TEX9: variants seen among roughly 807,000 people sequenced by gnomAD.
TEX9 encodes testis expressed 9, also known as testis-expressed protein 9.
TEX9 carries 74 observed loss-of-function variants against 59.6 expected under a neutral mutation model. The observed-to-expected ratio is 1.24, with a 90% CI of 1.03 to 1.51. The LOEUF (loss-of-function observed/expected upper bound fraction) is 1.51. Among genes scored for constraint, TEX9 ranks in the 40% most tolerant of loss-of-function variants. The probability of loss-of-function intolerance (pLI) is 0.00; values close to 1 mark genes in which losing one functional copy is unlikely to be tolerated. For missense variants in TEX9, 522 were observed against 447.8 expected (o/e 1.17, Z -1.49); for synonymous variants, 186 against 152.2 (o/e 1.22, Z -1.64).
intron 1 of TEX9, among the ~76,000 whole-genome samples, chr15:56,291,188 T>C (rs1397629619): frequency 6.6e-6 from 1 of 152,232 alleles, no homozygotes; most frequent in Non-Finnish European, 1.5e-5. Flanking sequence ...TGAGACCCTT[T>C]TCTAAATACA....
At chr15:56,253,599 C>G (rs2044079074) in intron 1 of TEX9, among the ~76,000 whole-genome samples, 1 of 152,062 alleles carries the variant, frequency 6.6e-6, no homozygotes, top group Admixed American at 6.6e-5. Context: ...CAGAAGGGTT[C>G]TCTTAGTGAG....
intron 1 of TEX9, among the ~76,000 whole-genome samples, chr15:56,339,457 C>A (rs1158484155): frequency 7.0e-6 from 1 of 141,954 alleles, no homozygotes; most frequent in Non-Finnish European, 1.5e-5. Context: ...TTCATTTGTA[C>A]TGTTTTCCAT....
intron 1 of TEX9, among the ~76,000 whole-genome samples, chr15:56,307,048 A>T (rs1447539910): frequency 6.6e-6 from 1 of 152,188 alleles, no homozygotes; most frequent in African/African-American, 2.4e-5. Context: ...GGCTGTGCTC[A>T]GTAACATAAT....
chr15:56,270,016 T>G (rs1271417966), intron 1 of TEX9, among the ~76,000 whole-genome samples: 1 of 152,190 alleles, frequency 6.6e-6, no homozygotes, highest in Admixed American at 6.5e-5. Context: ...AGAGACAGTT[T>G]GTTGTGATTT....
intron 1 of TEX9, among the ~76,000 whole-genome samples, chr15:56,280,307 G>A (rs1408054928): frequency 1.3e-5 from 2 of 152,146 alleles, no homozygotes; most frequent in African/African-American, 4.8e-5. Flanking sequence ...TTAAACTGCT[G>A]TGTGACAAGA....
At chr15:56,425,814 G>C (rs1320718366) in intron 10 of TEX9, among the ~76,000 whole-genome samples, 1 of 151,982 alleles carries the variant, frequency 6.6e-6, no homozygotes, top group Non-Finnish European at 1.5e-5. Flanking sequence ...ACGGGTGTTT[G>C]AAAAAACAGC....
intron 9 of TEX9, among the ~76,000 whole-genome samples, chr15:56,401,622 C>G (rs1457627759): frequency 6.6e-6 from 1 of 152,178 alleles, no homozygotes; most frequent in Non-Finnish European, 1.5e-5. Flanking sequence ...TAGAACTCAG[C>G]TCTGCACAAA....
chr15:56,314,932 G>T (rs1190047915), intron 1 of TEX9, among the ~76,000 whole-genome samples: 2 of 151,406 alleles, frequency 1.3e-5, no homozygotes, highest in Admixed American at 6.6e-5. Context: ...TTTGATCTTT[G>T]TTGGTTTAAA....
chr15:56,429,165 T>C (rs1260724340), intron 12 of TEX9: 2 of 1,599,520 alleles, frequency 1.3e-6, no homozygotes, highest in African/African-American at 1.4e-5. Flanking sequence ...ACCAAGCAGA[T>C]CAATATCATC....
chr15:56,448,990 G>A (rs1262144177), downstream of TEX9, among the ~76,000 whole-genome samples: 2 of 152,028 alleles, frequency 1.3e-5, no homozygotes, highest in Admixed American at 1.3e-4. Flanking sequence ...CCTGACCTCA[G>A]GTGATCCACC....
chr15:56,381,051 T>G (rs1255933926), intron 3 of TEX9, among the ~76,000 whole-genome samples: 2 of 152,148 alleles, frequency 1.3e-5, no homozygotes, highest in East Asian at 3.9e-4. Flanking sequence ...CCAATAAGTC[T>G]TATATTTGCC....
chr15:56,428,349 T>G lies in TEX9; in HGVS notation c.1099-18T>G. On this transcript the variant is annotated intron_variant, in intron 11 of 12. Coordinates refer to ENST00000352903, the Ensembl canonical transcript of TEX9. ...CTCTTAATACTAAATCAGACAATAT[T>G]GATTTTTTTTTTAACAGATGCATAT... is the stretch of plus-strand genomic sequence containing the variant. 6.3e-7 allele frequency: 1 copy of G among 1,594,612 alleles called. No individual in the cohort carries two copies. Among genetic ancestry groups the G allele is most frequent in the Non-Finnish European group, 8.6e-7 (1 of 1,164,138 alleles).
At chr15:56,349,787 A>G (rs2046541695) in intron 1 of TEX9, among the ~76,000 whole-genome samples, 1 of 150,430 alleles carries the variant, frequency 6.6e-6, no homozygotes, top group Admixed American at 6.6e-5. Flanking sequence ...TTGTGAGTGC[A>G]TATATATATG....
rs977296126 is a variant in TEX9, at chr15:56,324,543, A to T, written c.-106-48898A>T. Reference sequence around the variant, plus strand: ...CATACTGCATTAGAAATTATTTTTCATTGGTAAAATATATAGTATTCTACA... The same window carrying T: ...CATACTGCATTAGAAATTATTTTTCTTTGGTAAAATATATAGTATTCTACA... On this transcript the variant is annotated intron_variant, in intron 1 of 5. Transcript: ENST00000560827. 3.3e-4 allele frequency among the ~76,000 whole-genome samples: 50 copies of T among 152,348 alleles called. 1 individual carries two copies. Among genetic ancestry groups the T allele is most frequent in the Admixed American group, 2.1e-3 (32 of 15,304 alleles).
chr15:56,377,209 T>C (rs1170192874), intron 3 of TEX9, among the ~76,000 whole-genome samples: 2 of 152,172 alleles, frequency 1.3e-5, no homozygotes, highest in Non-Finnish European at 2.9e-5. Context: ...GTTTTGTTCT[T>C]TTTGCTTAGG....
intron 9 of TEX9, among the ~76,000 whole-genome samples, chr15:56,401,308 C>CAAAAAAATAAAAAA (rs2048759453): frequency 2.1e-5 from 1 of 46,772 alleles, no homozygotes. Flanking sequence ...AAATTGAAAG[C>CAAAAAAATAAAAAA]AAAAAAAAAA....
chr15:56,316,691 C>A (rs540473376), intron 1 of TEX9, among the ~76,000 whole-genome samples: 6,416 of 151,814 alleles, frequency 0.042, 202 homozygotes, highest in Admixed American at 0.084. Context: ...GTTGGAGCTT[C>A]CGGGCTGCTT....
intron 1 of TEX9, among the ~76,000 whole-genome samples, chr15:56,278,491 C>T (rs2044734419): frequency 6.6e-6 from 1 of 152,218 alleles, no homozygotes; most frequent in Non-Finnish European, 1.5e-5. Flanking sequence ...CATATTTTGT[C>T]TCCCCAGCCT....
At chr15:56,405,196 TG>T (rs1433363018) in intron 9 of TEX9, among the ~76,000 whole-genome samples, 2 of 151,608 alleles carry the variant, frequency 1.3e-5, no homozygotes, top group African/African-American at 4.9e-5. Flanking sequence ...CTCAGCTACT[TG>T]GGAGGCTGAG....
Sources: gnomAD v4.1 joint callset for allele counts (sites outside exome capture counted in the v4.1 genomes callset) on GRCh38, gnomAD v4.1.1 for gene constraint, MANE v1.5 for transcripts, NCBI Gene and HGNC (gene_info 2026-07-23, HGNC 2026-07-21) for gene names.